The following SGMS1 variants were observed in gnomAD, a reference collection of about 807,000 sequenced individuals.
SGMS1 encodes phosphatidylcholine:ceramide cholinephosphotransferase 1.
A neutral mutation model predicts 46.2 loss-of-function variants in SGMS1; 13 were observed. That is an observed-to-expected ratio of 0.28 (90% CI 0.18 to 0.45). The LOEUF is 0.45. Among genes scored for constraint, SGMS1 ranks in the 20% least tolerant of loss-of-function variants. SGMS1 has a pLI of 1.00. For synonymous variants in SGMS1, 203 were observed against 187.8 expected (o/e 1.08, Z -0.66); for missense variants, 324 against 519.9 (o/e 0.62, Z 3.66).
chr10:50,377,094 A>G (rs938612307), intron 6 of SGMS1, among the ~76,000 whole-genome samples: 1 of 152,204 alleles, frequency 6.6e-6, no homozygotes, highest in Non-Finnish European at 1.5e-5. Flanking sequence ...AGAATATCTG[A>G]GACTAGGTAG....
chr10:50,447,346 G>A (rs569129998), intron 5 of SGMS1, among the ~76,000 whole-genome samples: 2 of 152,232 alleles, frequency 1.3e-5, no homozygotes, highest in Non-Finnish European at 2.9e-5. Flanking sequence ...TCTAGTGGAA[G>A]AGATATACAT....
Position 50,553,743 on chromosome 10 carries a change from G to A in SGMS1, c.-588-33822C>T, listed in dbSNP as rs767721241. Among the ~76,000 whole-genome samples, 8 of 152,078 alleles carry A rather than the reference G, an allele frequency of 5.3e-5. No homozygotes were observed. In the East Asian group the frequency reaches 9.6e-4, roughly 18 times the overall value. ...GCTTCATGTGATGTGCTAAATTCAC[G>A]TCACTCACTGAAAAGCCTAAAGTTA... is the stretch of plus-strand genomic sequence containing the variant. On this transcript the variant is annotated intron_variant, in intron 2 of 10. Coordinates refer to ENST00000361781, the MANE Select transcript of SGMS1 (RefSeq NM_147156.4).
Position 50,587,993 on chromosome 10 carries a change from C to T in SGMS1, c.-589+2160G>A, listed in dbSNP as rs117747914. Among the ~76,000 whole-genome samples, 45 of 152,232 alleles carry T rather than the reference C, an allele frequency of 3.0e-4. 1 individual carries two copies. In the East Asian group the frequency reaches 7.3e-3, roughly 25 times the overall value. On this transcript the variant is annotated intron_variant, in intron 2 of 10. Transcript: ENST00000361781. Reference sequence around the variant, plus strand: ...TTTAAAATCACCATATCTCAGTGGTCTAGGACTAGACAGGACCCCATATGT... The same window carrying T: ...TTTAAAATCACCATATCTCAGTGGTTTAGGACTAGACAGGACCCCATATGT...
chr10:50,462,810 T>C (rs1195174473), intron 4 of SGMS1, among the ~76,000 whole-genome samples: 1 of 152,106 alleles, frequency 6.6e-6, no homozygotes, highest in Non-Finnish European at 1.5e-5. Flanking sequence ...CACTGATGTC[T>C]GGAAAGCGGA....
upstream of SGMS1, chr10:50,624,927 C>A: frequency 9.9e-7 from 1 of 1,014,142 alleles, no homozygotes; most frequent in Non-Finnish European, 1.2e-6. Context: ...TACCACGTGA[C>A]TGTCCGCGGC....
chr10:50,429,735 ACACACATACT>A (rs1424608780), intron 6 of SGMS1, among the ~76,000 whole-genome samples: 12 of 6,414 alleles, frequency 1.9e-3, no homozygotes, highest in Admixed American at 0.011. Context: ...ACACACACAC[ACACACATACT>A]CTTTTCTCAT....
intron 3 of SGMS1, among the ~76,000 whole-genome samples, chr10:50,505,848 C>T (rs1837702276): frequency 6.6e-6 from 1 of 152,120 alleles, no homozygotes; most frequent in Non-Finnish European, 1.5e-5. Flanking sequence ...GCAAAGCACA[C>T]CATATCTGCG....
chr10:50,415,343 C>T (rs1206678603), intron 6 of SGMS1, among the ~76,000 whole-genome samples: 2 of 152,184 alleles, frequency 1.3e-5, no homozygotes, highest in Non-Finnish European at 2.9e-5. Context: ...TAGACACCAA[C>T]GTAAGTTATG....
chr10:50,522,757 G>A (rs1456390765), intron 2 of SGMS1, among the ~76,000 whole-genome samples: 2 of 152,014 alleles, frequency 1.3e-5, no homozygotes, highest in Non-Finnish European at 1.5e-5. Flanking sequence ...GTGATGTCTC[G>A]GTAGAATGGC....
chr10:50,318,875 T>C (rs1847392654), intron 8 of SGMS1, among the ~76,000 whole-genome samples: 1 of 152,180 alleles, frequency 6.6e-6, no homozygotes, highest in African/African-American at 2.4e-5. Context: ...GGGGTGTCTC[T>C]AAGCAATTAT....
intron 6 of SGMS1, among the ~76,000 whole-genome samples, chr10:50,408,525 T>C (rs1278612573): frequency 6.9e-6 from 1 of 145,158 alleles, no homozygotes; most frequent in African/African-American, 2.6e-5. Context: ...CTACTAAAAA[T>C]ACAAAAAATT....
At chr10:50,492,035 T>G (rs1459012378) in intron 3 of SGMS1, among the ~76,000 whole-genome samples, 2 of 152,180 alleles carry the variant, frequency 1.3e-5, no homozygotes, top group Non-Finnish European at 2.9e-5. Flanking sequence ...GTAAATGTGA[T>G]TCATCACATA....
In SGMS1 at chr10:50,565,260, T is replaced by C. The variant is rs542312685; in HGVS notation, c.-589+24893A>G. On this transcript the variant is annotated intron_variant, in intron 2 of 10. Coordinates refer to ENST00000361781, the MANE Select transcript of SGMS1 (RefSeq NM_147156.4). ...TGTCTTATACCTAGCAGACACACAA[T>C]AGGTCTTCAGAGAATGCACTAAAAA... Among the ~76,000 whole-genome samples, 5 of 152,252 alleles carry C rather than the reference T, an allele frequency of 3.3e-5. No individual in the cohort carries two copies. In the Middle Eastern group the frequency reaches 0.01, roughly 311 times the overall value.
At chr10:50,463,290 C>T (rs1837289793) in intron 4 of SGMS1, among the ~76,000 whole-genome samples, 1 of 151,964 alleles carries the variant, frequency 6.6e-6, no homozygotes, top group Non-Finnish European at 1.5e-5. Flanking sequence ...TGTTAATATC[C>T]AGAATATATA....
intron 2 of SGMS1, among the ~76,000 whole-genome samples, chr10:50,555,959 T>C (rs753736957): frequency 9.2e-5 from 14 of 152,202 alleles, no homozygotes; most frequent in Non-Finnish European, 8.8e-5. Flanking sequence ...GGAAAGACCA[T>C]CTAATTGCCA....
At chr10:50,542,857 CAAAA>C (rs752420440) in intron 2 of SGMS1, among the ~76,000 whole-genome samples, 1 of 78,392 alleles carries the variant, frequency 1.3e-5, no homozygotes, top group Admixed American at 1.3e-4. Context: ...ATGCCAAGTG[CAAAA>C]AAAAAAAAAA....
intron 6 of SGMS1, among the ~76,000 whole-genome samples, chr10:50,348,339 T>G (rs1847948683): frequency 6.6e-6 from 1 of 152,078 alleles, no homozygotes; most frequent in South Asian, 2.1e-4. Context: ...GAGAAAGAAA[T>G]AAAGCGCATT....
intron 6 of SGMS1, among the ~76,000 whole-genome samples, chr10:50,430,872 C>T (rs1564911669): frequency 6.6e-6 from 1 of 151,812 alleles, no homozygotes; most frequent in African/African-American, 2.4e-5. Context: ...GCAACGAGTC[C>T]CAAGTATCTA....
At chr10:50,344,857 C>A (rs1187379849) in intron 6 of SGMS1, among the ~76,000 whole-genome samples, 1 of 150,092 alleles carries the variant, frequency 6.7e-6, no homozygotes, top group Non-Finnish European at 1.5e-5. Flanking sequence ...GGCGACAGAG[C>A]GAGATTCCTT....
Sources: gnomAD v4.1 joint callset for allele counts (sites outside exome capture counted in the v4.1 genomes callset) on GRCh38, gnomAD v4.1.1 for gene constraint, MANE v1.5 for transcripts, NCBI Gene and HGNC (gene_info 2026-07-23, HGNC 2026-07-21) for gene names.